SMARCA1: variants seen among roughly 807,000 people sequenced by gnomAD.
The protein encoded by SMARCA1 is SNF2 related chromatin remodeling ATPase 1.
SMARCA1 carries 17 observed loss-of-function variants against 93.6 expected under a neutral mutation model. That is an observed-to-expected ratio of 0.18 (90% CI 0.12 to 0.27). The LOEUF (loss-of-function observed/expected upper bound fraction) is 0.27, where lower values mean the gene tolerates loss of function less well. SMARCA1 is among the 10% of genes least tolerant of loss of function. SMARCA1 has a pLI of 1.00. For missense variants in SMARCA1, 630 were observed against 819.0 expected, an observed-to-expected ratio of 0.77 and a Z score of 2.82; for synonymous variants, 271 against 271.4, an observed-to-expected ratio of 1.00 and a Z score of 0.01.
chrX:129,467,784 T>C (rs913059470), intron 21 of SMARCA1, among the ~76,000 whole-genome samples: 1 of 111,234 alleles, frequency 9.0e-6, no homozygotes, highest in Non-Finnish European at 1.9e-5. Context: ...TTTCCTACTA[T>C]TGCAAAAACA....
chrX:129,488,008 G>T (rs1186429102), intron 16 of SMARCA1, among the ~76,000 whole-genome samples: 1 of 110,669 alleles, frequency 9.0e-6, no homozygotes, highest in Non-Finnish European at 1.9e-5. Context: ...TCCAAGGAGG[G>T]GAAAGATAAC....
chrX:129,489,024 C>G lies in SMARCA1; in HGVS notation c.2010G>C (p.Arg670=), dbSNP rs750030080. 2.6e-6 allele frequency: 3 copies of G among 1,174,257 alleles called. No homozygotes were observed. The highest frequency in any genetic ancestry group is 3.5e-6 in the Non-Finnish European group (3 of 861,868). ...AAGCAAAAACATGGGTGGCTCCATG[C>G]CGTATCATTTGTAACATTTCCTCTT... is the stretch of plus-strand genomic sequence containing the variant. ...LAKEEMLQMI[R]HGATHVFASK... The change falls in exon 16 of 25, where the codon CGG becomes CGC. Residue 670 remains arginine (R), a synonymous_variant. Coordinates refer to ENST00000371121, the MANE Select transcript of SMARCA1 (RefSeq NM_001282874.2).
chrX:129,504,549 TAAAAAAAAAAAAAAAAAAA>T (rs780225300), intron 9 of SMARCA1, among the ~76,000 whole-genome samples, 166 bp downstream of exon 9: 2 of 24,214 alleles, frequency 8.3e-5, no homozygotes, highest in African/African-American at 2.9e-4. Context: ...CATAGAGGAA[TAAAAAAAAAAAAAAAAAAA>T]AAAAAAAAAA....
At position 129,459,195 on chromosome X, in the gene SMARCA1, C is replaced by A. The variant is rs182697545; in HGVS notation, c.3030+6325G>T. Among the ~76,000 whole-genome samples the A allele has an allele frequency of 2.2e-3, 250 of 111,646 alleles. 1 individual carries two copies. The highest frequency in any genetic ancestry group is 3.7e-3 in the Non-Finnish European group (198 of 53,049). ...CAGCACTTTAGGAGGCTGAGGCGGG[C>A]AGATCATGAGGTCAAGAAATCGAGA... On this transcript the variant is annotated intron_variant, in intron 23 of 24. Coordinates refer to ENST00000371121, the MANE Select transcript of SMARCA1 (RefSeq NM_001282874.2).
At chrX:129,449,584 A>G (rs1309296320) in intron 23 of SMARCA1, among the ~76,000 whole-genome samples, 1 of 112,442 alleles carries the variant, frequency 8.9e-6, no homozygotes, top group Non-Finnish European at 1.9e-5. Flanking sequence ...AACATTAAAC[A>G]TGATTCATTA....
intron 1 of SMARCA1, 117 bp downstream of exon 1, chrX:129,523,080 C>T: frequency 1.2e-6 from 1 of 856,083 alleles, no homozygotes; most frequent in Non-Finnish European, 1.6e-6. Flanking sequence ...CACCCGCCGC[C>T]CCTAGCCCCG....
chrX:129,452,244 C>T (rs541388834), intron 23 of SMARCA1, among the ~76,000 whole-genome samples: 2 of 112,012 alleles, frequency 1.8e-5, no homozygotes, highest in Admixed American at 1.9e-4. Flanking sequence ...CTTTATCTTC[C>T]TATTTTGTGG....
At chrX:129,466,553 G>A (rs1268762144) in intron 21 of SMARCA1, among the ~76,000 whole-genome samples, 1 of 110,940 alleles carries the variant, frequency 9.0e-6, no homozygotes. Context: ...TACTCGGGAA[G>A]CTGAGGCGGG....
intron 19 of SMARCA1, among the ~76,000 whole-genome samples, chrX:129,475,579 A>G (rs989655042): frequency 1.6e-4 from 18 of 112,137 alleles, no homozygotes; most frequent in African/African-American, 5.5e-4. Flanking sequence ...ACAGATACCC[A>G]GGAGGTATTT....
rs1011229738 is a variant in SMARCA1 at position 129,504,726 on chromosome X, T to C, written c.1167+8A>G. 2 of 1,154,600 alleles carry C rather than the reference T, an allele frequency of 1.7e-6. No homozygotes were observed. The highest frequency in any genetic ancestry group is 1.8e-5 in the African/African-American group (1 of 55,686). On this transcript the variant is annotated splice_region_variant and intron_variant, in intron 9 of 24. Transcript: ENST00000371121. ...AATTACTGAATGTTCTTGTCTGCTA[T>C]TACTTACTGCATGAAGTCTTTCCAC... is the stretch of plus-strand genomic sequence containing the variant.
chrX:129,483,991 G>C (rs1933790319), intron 17 of SMARCA1, among the ~76,000 whole-genome samples: 1 of 111,884 alleles, frequency 8.9e-6, no homozygotes, highest in African/African-American at 3.2e-5. Flanking sequence ...TATAATCTCA[G>C]CTCAGAATAT....
At chrX:129,454,266 C>A (rs1232707219) in intron 23 of SMARCA1, among the ~76,000 whole-genome samples, 1 of 111,958 alleles carries the variant, frequency 8.9e-6, no homozygotes, top group Non-Finnish European at 1.9e-5. Flanking sequence ...TGGACCCCTT[C>A]CTTACACCTT....
At chrX:129,514,193 T>C (rs1935112369) in intron 5 of SMARCA1, among the ~76,000 whole-genome samples, 1 of 111,642 alleles carries the variant, frequency 9.0e-6, no homozygotes, top group South Asian at 3.8e-4. Context: ...GGCGGGCGCC[T>C]GTAGTCCCAG....
chrX:129,457,128 T>C (rs1932666796), intron 23 of SMARCA1, among the ~76,000 whole-genome samples: 1 of 112,241 alleles, frequency 8.9e-6, no homozygotes, highest in Non-Finnish European at 1.9e-5. Context: ...TCAGCAGCAA[T>C]TCACACTGAG....
At chrX:129,480,945 C>A in intron 18 of SMARCA1, 130 bp downstream of exon 18, 1 of 563,497 alleles carries the variant, frequency 1.8e-6, no homozygotes, top group South Asian at 3.3e-5. Flanking sequence ...TGGGCCAAAT[C>A]AGATACTTTT....
Position 129,465,623 on chromosome X carries a change from T to C in SMARCA1, c.2927A>G (p.Lys976Arg). ...TACATTTTCTCTATCAAAGCCCATT[T>C]TGTGTAACATACAAATCAAGAATCT... ...EDRFLICMLHKMGFDRENVYE... is the reference protein window; with the variant it reads ...EDRFLICMLHRMGFDRENVYE... Residue 976 changes from lysine (K) to arginine (R), a missense_variant, in exon 23 of 25, where the codon AAA becomes AGA. Physicochemically the swap from Lys to Arg is conservative, Grantham distance 26. This residue lies in a region of SMARCA1 where 93 missense variants were observed against 160.8 expected (regional missense o/e 0.58). Transcript: ENST00000371121. 3.3e-6 allele frequency: 4 copies of C among 1,198,495 alleles called. No homozygotes were observed. The highest frequency in any genetic ancestry group is 4.5e-6 in the Non-Finnish European group (4 of 883,668).
rs144538542 is a variant in SMARCA1, at chrX:129,459,094, C to T, written c.3030+6426G>A. Among the ~76,000 whole-genome samples, 137 of 112,430 alleles carry T rather than the reference C, an allele frequency of 1.2e-3. 1 individual carries two copies. Among genetic ancestry groups the T allele is most frequent in the Non-Finnish European group, 2.4e-3 (128 of 53,275 alleles). The stretch of plus-strand genomic sequence containing the variant: ...AGTATTAAATGTTATGATGCTTTTA[C>T]GTAACTGCTGCTGCTTAAGCATTGC... On this transcript the variant is annotated intron_variant, in intron 23 of 24. Transcript: ENST00000371121.
At chrX:129,496,465 T>C (rs1275837431) in intron 12 of SMARCA1, among the ~76,000 whole-genome samples, 1 of 110,227 alleles carries the variant, frequency 9.1e-6, no homozygotes, top group Non-Finnish European at 1.9e-5. Context: ...AAACTGTTAG[T>C]AATTTAAAAG....
intron 15 of SMARCA1, among the ~76,000 whole-genome samples, chrX:129,489,606 G>A (rs754554053): frequency 2.7e-5 from 3 of 112,413 alleles, no homozygotes; most frequent in South Asian, 7.3e-4. Context: ...CGCCCAAGGC[G>A]GAGTGCAGTG....
Sources: allele counts gnomAD v4.1 joint callset (sites outside exome capture counted in the v4.1 genomes callset), GRCh38; gene constraint gnomAD v4.1.1; regional missense constraint gnomAD v4.1.1; transcripts MANE v1.5; gene names NCBI Gene and HGNC (gene_info 2026-07-23, HGNC 2026-07-21).